Variants in ROBO2 observed in about 807,000 individuals in gnomAD.
ROBO2 encodes roundabout guidance receptor 2.
Under a neutral mutation model 160.8 loss-of-function variants are expected in ROBO2, and 53 were observed. The ratio of observed to expected loss-of-function variants is 0.33; its 90% confidence interval spans 0.26 to 0.41. ROBO2 has a LOEUF of 0.41. ROBO2 is among the 10% of genes least tolerant of loss of function. The probability of loss-of-function intolerance (pLI) is 1.00; values close to 1 mark genes in which losing one functional copy is unlikely to be tolerated. For synonymous variants in ROBO2, 664 were observed against 611.7 expected, an observed-to-expected ratio of 1.09 and a Z score of -1.26; for missense variants, 1,577 against 1,722.4, an observed-to-expected ratio of 0.92 and a Z score of 1.49.
rs989760538 is a variant in ROBO2, at chr3:76,340,758, G to C, written c.109+403156G>C. 2.0e-5 allele frequency among the ~76,000 whole-genome samples: 3 copies of C among 152,042 alleles called. No homozygotes were observed. In the South Asian group the frequency reaches 6.2e-4, roughly 32 times the overall value. Reference sequence around the variant, plus strand: ...GATGGATAAATAAGATGTCAATGCTGCAAATAAAATGAACTTTTTTTAGTT... The same window carrying C: ...GATGGATAAATAAGATGTCAATGCTCCAAATAAAATGAACTTTTTTTAGTT... On this transcript the variant is annotated intron_variant, in intron 2 of 26. Coordinates refer to the ROBO2 transcript ENST00000487694.
chr3:76,055,119 G>A (rs933408910), intron 2 of ROBO2, among the ~76,000 whole-genome samples: 5 of 152,144 alleles, frequency 3.3e-5, no homozygotes, highest in Admixed American at 6.5e-5. Flanking sequence ...TGGCGGCAGG[G>A]AAGAGGGCAT....
At chr3:76,767,197 C>G (rs573682924) in intron 2 of ROBO2, among the ~76,000 whole-genome samples, 1 of 151,436 alleles carries the variant, frequency 6.6e-6, no homozygotes, top group East Asian at 2.0e-4. Context: ...CCTTTTAGTA[C>G]GTGAAGTTCA....
At chr3:76,179,106 G>A (rs991187414) in intron 2 of ROBO2, among the ~76,000 whole-genome samples, 1 of 151,972 alleles carries the variant, frequency 6.6e-6, no homozygotes, top group Non-Finnish European at 1.5e-5. Context: ...ATAACTTAGA[G>A]CAGCTCATTC....
intron 2 of ROBO2, among the ~76,000 whole-genome samples, chr3:77,300,225 A>G (rs1370531424): frequency 6.7e-6 from 1 of 149,760 alleles, no homozygotes; most frequent in African/African-American, 2.5e-5. Flanking sequence ...CAAACTCTAG[A>G]CTCTGCCTAG....
At chr3:76,900,670 A>C (rs1389126482) in intron 2 of ROBO2, among the ~76,000 whole-genome samples, 1 of 152,180 alleles carries the variant, frequency 6.6e-6, no homozygotes, top group Non-Finnish European at 1.5e-5. Context: ...AAAACACATT[A>C]CAAGAGAAGC....
chr3:77,405,061 T>C (rs2076150362), intron 2 of ROBO2, among the ~76,000 whole-genome samples: 1 of 152,200 alleles, frequency 6.6e-6, no homozygotes, highest in Admixed American at 6.5e-5. Flanking sequence ...TATGAGTTTC[T>C]TGGAAGCAGT....
chr3:76,822,897 C>T (rs963347544), intron 2 of ROBO2, among the ~76,000 whole-genome samples: 47 of 151,946 alleles, frequency 3.1e-4, no homozygotes, highest in African/African-American at 6.7e-4. Flanking sequence ...CAAAGTGCAA[C>T]GGTATCATTT....
Position 76,888,144 on chromosome 3 carries a change from G to C in ROBO2, c.110-209870G>C, listed in dbSNP as rs527976704. Among the ~76,000 whole-genome samples, 10 of 152,276 alleles carry C rather than the reference G, an allele frequency of 6.6e-5. No individual in the cohort carries two copies. In the South Asian group the frequency reaches 1.9e-3, roughly 28 times the overall value. The stretch of plus-strand genomic sequence containing the variant: ...GCACTTCGGGAGGCCCAGGTGGGTG[G>C]ATGACTTGAGGCTGGGAGTTGGTGA... On this transcript the variant is annotated intron_variant, in intron 2 of 26. Coordinates refer to the ROBO2 transcript ENST00000487694.
At chr3:76,396,427 C>T (rs1485798126) in intron 2 of ROBO2, among the ~76,000 whole-genome samples, 1 of 152,088 alleles carries the variant, frequency 6.6e-6, no homozygotes, top group Non-Finnish European at 1.5e-5. Context: ...CAGGGATGCC[C>T]TCTCTCACCA....
rs113963624 is a variant in ROBO2, at chr3:76,642,506, C to T, written c.110-455508C>T. Among the ~76,000 whole-genome samples, 154 of 151,954 alleles carry T rather than the reference C, an allele frequency of 1.0e-3. 2 individuals carry two copies. Among genetic ancestry groups the T allele is most frequent in the African/African-American group, 3.6e-3 (149 of 41,456 alleles). On this transcript the variant is annotated intron_variant, in intron 2 of 26. Transcript: ENST00000487694. ...TACCTGGGATTACAGGCATGCGCCA[C>T]CACGCCCTGCCAATTTTGTATTTTT... is the stretch of plus-strand genomic sequence containing the variant.
At chr3:77,327,698 T>C (rs17015176) in intron 2 of ROBO2, among the ~76,000 whole-genome samples, 23,310 of 152,054 alleles carry the variant, frequency 0.15, 1,987 homozygotes, top group Admixed American at 0.27. Flanking sequence ...TAGACACATA[T>C]GGAGCAATGA....
intron 2 of ROBO2, among the ~76,000 whole-genome samples, chr3:77,351,522 A>C (rs2068324844): frequency 1.3e-5 from 2 of 152,124 alleles, no homozygotes; most frequent in South Asian, 4.1e-4. Flanking sequence ...AATGAAGGAA[A>C]AAACTGAGAT....
intron 2 of ROBO2, among the ~76,000 whole-genome samples, chr3:76,637,545 A>AT (rs1387612325): frequency 3.9e-5 from 6 of 151,906 alleles, no homozygotes; most frequent in African/African-American, 1.5e-4. Flanking sequence ...GTGGAGGCTG[A>AT]TTTTTTACAT....
intron 2 of ROBO2, among the ~76,000 whole-genome samples, chr3:76,497,565 G>A (rs1376281081): frequency 6.6e-6 from 1 of 152,130 alleles, no homozygotes; most frequent in Non-Finnish European, 1.5e-5. Flanking sequence ...TTGTGTGACG[G>A]TTAATTTTAT....
chr3:76,888,689 A>T (rs778810596), intron 2 of ROBO2, among the ~76,000 whole-genome samples: 8 of 152,184 alleles, frequency 5.3e-5, no homozygotes, highest in African/African-American at 1.9e-4. Context: ...CACCATCTAT[A>T]GATACATCAC....
chr3:77,254,731 C>G (rs2090748076), intron 2 of ROBO2, among the ~76,000 whole-genome samples: 1 of 152,156 alleles, frequency 6.6e-6, no homozygotes, highest in Non-Finnish European at 1.5e-5. Context: ...CCACTCTGTT[C>G]TAGGCACTTA....
chr3:76,786,679 A>G (rs947020969), intron 2 of ROBO2, among the ~76,000 whole-genome samples: 1 of 150,744 alleles, frequency 6.6e-6, no homozygotes, highest in Non-Finnish European at 1.5e-5. Flanking sequence ...AACCATATCA[A>G]TGCCTTAGGC....
chr3:76,423,814 T>C (rs2076096656), intron 2 of ROBO2, among the ~76,000 whole-genome samples: 1 of 152,168 alleles, frequency 6.6e-6, no homozygotes, highest in South Asian at 2.1e-4. Context: ...TCTAAAATGA[T>C]GGCAAGACTT....
At chr3:76,234,081 T>C (rs1704787887) in intron 2 of ROBO2, among the ~76,000 whole-genome samples, 1 of 152,198 alleles carries the variant, frequency 6.6e-6, no homozygotes, top group African/African-American at 2.4e-5. Flanking sequence ...TATTTGGTTT[T>C]CCATTCCTGT....
Sources: allele counts gnomAD v4.1 joint callset (sites outside exome capture counted in the v4.1 genomes callset), GRCh38; gene constraint gnomAD v4.1.1; transcripts MANE v1.5; gene names NCBI Gene and HGNC (gene_info 2026-07-23, HGNC 2026-07-21).